TMPRSS15: variants seen among roughly 807,000 people sequenced by gnomAD.
TMPRSS15 encodes the protein enteropeptidase.
TMPRSS15 carries 128 observed loss-of-function variants against 125.3 expected under a neutral mutation model. The ratio of observed to expected loss-of-function variants is 1.02; its 90% CI spans 0.89 to 1.18. The LOEUF (loss-of-function observed/expected upper bound fraction) is 1.18, where lower values mean the gene tolerates loss of function less well. TMPRSS15 is among the 50% of genes most tolerant of loss of function. TMPRSS15 has a pLI of 0.00. For synonymous variants in TMPRSS15, 446 were observed against 423.2 expected, an observed-to-expected ratio of 1.05 and a Z score of -0.66; for missense variants, 1,283 against 1,212.7, an observed-to-expected ratio of 1.06 and a Z score of -0.86.
chr21:18,360,588 A>C (rs1374614684), intron 7 of TMPRSS15, among the ~76,000 whole-genome samples: 1 of 152,120 alleles, frequency 6.6e-6, no homozygotes, highest in African/African-American at 2.4e-5. Flanking sequence ...CCCTCGTGGA[A>C]GATCATTTGA....
chr21:18,444,284 C>A (rs1225749035), intron 1 of TMPRSS15, among the ~76,000 whole-genome samples: 2 of 152,180 alleles, frequency 1.3e-5, no homozygotes, highest in Non-Finnish European at 2.9e-5. Flanking sequence ...ATATGTACAT[C>A]ACGGAATACT....
intron 1 of TMPRSS15, among the ~76,000 whole-genome samples, chr21:18,481,515 C>T (rs1978980894): frequency 6.6e-6 from 1 of 151,630 alleles, no homozygotes; most frequent in Non-Finnish European, 1.5e-5. Context: ...TGCTTGATGT[C>T]AGGGGCACGG....
At chr21:18,395,678 A>AT (rs1258316595) in intron 3 of TMPRSS15, among the ~76,000 whole-genome samples, 2 of 152,096 alleles carry the variant, frequency 1.3e-5, no homozygotes, top group Admixed American at 1.3e-4. Context: ...AAACATCTGA[A>AT]TTTTTTTAGT....
intron 1 of TMPRSS15, among the ~76,000 whole-genome samples, chr21:18,479,268 T>G (rs1978936426): frequency 6.6e-6 from 1 of 151,980 alleles, no homozygotes; most frequent in African/African-American, 2.4e-5. Context: ...TGCATACAAA[T>G]ACATACATTC....
intron 18 of TMPRSS15, among the ~76,000 whole-genome samples, chr21:18,303,311 C>T (rs1053478135): frequency 7.3e-5 from 11 of 150,382 alleles, no homozygotes; most frequent in Non-Finnish European, 1.6e-4. Flanking sequence ...GGAAGAAAAT[C>T]ATGGGGGAAA....
chr21:18,363,790 C>T (rs1230481764), intron 7 of TMPRSS15, among the ~76,000 whole-genome samples: 1 of 151,926 alleles, frequency 6.6e-6, no homozygotes, highest in Non-Finnish European at 1.5e-5. Context: ...AGGTTGAAAA[C>T]AATATTCTCC....
intron 21 of TMPRSS15, among the ~76,000 whole-genome samples, chr21:18,283,796 A>G (rs1325898649): frequency 1.3e-5 from 2 of 152,184 alleles, no homozygotes; most frequent in Non-Finnish European, 2.9e-5. Context: ...TCAGAGAAAG[A>G]GCATCTAAAC....
chr21:18,417,614 C>G (rs1312165301), intron 1 of TMPRSS15, among the ~76,000 whole-genome samples: 2 of 152,146 alleles, frequency 1.3e-5, no homozygotes, highest in Non-Finnish European at 2.9e-5. Context: ...TTCAGGCTCT[C>G]AATAACCGTG....
chr21:18,393,028 A>C (rs1414979301), intron 3 of TMPRSS15, among the ~76,000 whole-genome samples: 1 of 152,122 alleles, frequency 6.6e-6, no homozygotes, highest in Non-Finnish European at 1.5e-5. Context: ...CCAGTAACGA[A>C]AACATAGATA....
rs528452787 is a variant in TMPRSS15 at position 18,419,167 on chromosome 21, A to G, written c.11-20838T>C. On this transcript the variant is annotated intron_variant, in intron 1 of 7. Transcript: ENST00000422787. ...CCGATTAAAACTTACCAGCTCCCCA[A>G]AACTTTCCTAGTGCCAGTGAACTTT... 1.4e-4 allele frequency among the ~76,000 whole-genome samples: 21 copies of G among 152,010 alleles called. 1 individual carries two copies. In the South Asian group the frequency reaches 3.9e-3, roughly 29 times the overall value.
chr21:18,398,404 A>G lies in TMPRSS15; in HGVS notation c.146-75T>C, dbSNP rs144883321. Reference sequence around the variant, plus strand: ...GAGAAAATATGCACATTCTGTTAAGACATAGAAGTAAAGCTCTCGCCTGAT... The same window carrying G: ...GAGAAAATATGCACATTCTGTTAAGGCATAGAAGTAAAGCTCTCGCCTGAT... On this transcript the variant is annotated intron_variant, in intron 1 of 24. Transcript: ENST00000284885. 211 of 1,502,128 alleles carry G rather than the reference A, an allele frequency of 1.4e-4. No individual in the cohort carries two copies. The African/African-American group carries it at 2.1e-3, about 15-fold the overall frequency. The allele number at this position is 1,502,128 out of a possible 1,614,324, so 93.0% of individuals were successfully genotyped here.
At chr21:18,325,072 C>CCACA (rs150514804) in intron 16 of TMPRSS15, among the ~76,000 whole-genome samples, 12 of 149,514 alleles carry the variant, frequency 8.0e-5, no homozygotes, top group East Asian at 3.9e-4. Flanking sequence ...TAAATTCTCG[C>CCACA]CACACACACA....
chr21:18,301,145 G>T (rs2146913057), intron 18 of TMPRSS15, among the ~76,000 whole-genome samples: 1 of 152,120 alleles, frequency 6.6e-6, no homozygotes, highest in East Asian at 1.9e-4. Context: ...ACTAAATATT[G>T]TTACCAGTAA....
intron 1 of TMPRSS15, among the ~76,000 whole-genome samples, chr21:18,436,898 C>T (rs1393843666): frequency 1.9e-3 from 88 of 46,324 alleles, no homozygotes; most frequent in African/African-American, 6.8e-3. Context: ...GGCCATACTG[C>T]CCAAGGTAAT....
At chr21:18,284,030 T>A (rs927745798) in intron 21 of TMPRSS15, among the ~76,000 whole-genome samples, 1 of 152,230 alleles carries the variant, frequency 6.6e-6, no homozygotes, top group African/African-American at 2.4e-5. Flanking sequence ...AATATTAATC[T>A]GACACATTCT....
At chr21:18,463,763 T>A (rs13050407) in intron 1 of TMPRSS15, among the ~76,000 whole-genome samples, 2 of 152,162 alleles carry the variant, frequency 1.3e-5, no homozygotes, top group African/African-American at 4.8e-5. Flanking sequence ...CATACTACAG[T>A]GCAATCAAAT....
At chr21:18,341,690 T>G (rs1569019987) in intron 12 of TMPRSS15, 142 bp from the exon 13 acceptor site, 1 of 932,312 alleles carries the variant, frequency 1.1e-6, no homozygotes, top group South Asian at 1.4e-5. Context: ...CGTTACTACA[T>G]AGTGAAATCT....
chr21:18,472,480 T>TATATATATATATATATATATATAC (rs1491127013), intron 1 of TMPRSS15, among the ~76,000 whole-genome samples: 3 of 112,324 alleles, frequency 2.7e-5, no homozygotes, highest in African/African-American at 9.2e-5. Flanking sequence ...TATATATATA[T>TATATATATATATATATATATATAC]ACACACACAC....
intron 18 of TMPRSS15, among the ~76,000 whole-genome samples, chr21:18,303,879 CAAAG>C (rs1005680665): frequency 3.3e-5 from 5 of 152,056 alleles, no homozygotes; most frequent in Admixed American, 2.0e-4. Context: ...GAATGAAAGA[CAAAG>C]AAGATTCTCC....
Sources: allele counts gnomAD v4.1 joint callset (sites outside exome capture counted in the v4.1 genomes callset), GRCh38; gene constraint gnomAD v4.1.1; transcripts MANE v1.5; gene names NCBI Gene and HGNC (gene_info 2026-07-23, HGNC 2026-07-21).